TMOD3: variants seen among roughly 807,000 people sequenced by gnomAD.
TMOD3 encodes the protein tropomodulin 3, also known as tropomodulin-3.
Under a neutral mutation model 39.2 loss-of-function variants are expected in TMOD3, and 20 were observed. That is an observed-to-expected ratio of 0.51 (90% confidence interval 0.36 to 0.74). The LOEUF is 0.74. TMOD3 is among the 30% of genes least tolerant of loss of function. The pLI is 0.00. For missense variants in TMOD3, 381 were observed against 412.8 expected, an observed-to-expected ratio of 0.92 and a Z score of 0.67; for synonymous variants, 143 against 145.8, an observed-to-expected ratio of 0.98 and a Z score of 0.14.
rs1303144154 is a variant in TMOD3, at chr15:51,896,089, CAA to C, written c.628-329_628-328del. Among the ~76,000 whole-genome samples the C allele has an allele frequency of 2.0e-5, 3 of 151,958 alleles. No homozygotes were observed. In the South Asian group the frequency reaches 6.2e-4, roughly 32 times the overall value. On this transcript the variant is annotated intron_variant, in intron 6 of 9. Transcript: ENST00000308580. Reference sequence around the variant, plus strand: ...CGCCGTTGCACTCCAACCTGGGCAACAAGAGCAAAACTCTGTCTCAAAATACA... The same window carrying C: ...CGCCGTTGCACTCCAACCTGGGCAACGAGCAAAACTCTGTCTCAAAATACA...
chr15:51,893,653 T>C (rs948006717), intron 5 of TMOD3, among the ~76,000 whole-genome samples, 162 bp from the exon 6 acceptor site: 9 of 151,968 alleles, frequency 5.9e-5, no homozygotes, highest in African/African-American at 1.2e-4. Flanking sequence ...TAGTCCCAGC[T>C]ACTCAGGAGG....
rs1713177180 is a variant in TMOD3, at chr15:51,910,991, T to TA, written c.*2181_*2182insA. 1 of 128,018 alleles carries TA rather than the reference T, an allele frequency of 7.8e-6. No individual in the cohort carries two copies. The highest frequency in any genetic ancestry group is 1.8e-5 in the Non-Finnish European group (1 of 56,114). The allele number at this position is 128,018 out of a possible 1,614,324, so 7.9% of individuals were successfully genotyped here. On this transcript the variant is annotated 3_prime_UTR_variant, in exon 10 of 10. Transcript: ENST00000308580. ...CTCTCCCTCCCTCTCTTCTCCTCTC[T>TA]TTTTTTTTCCCCGCATATGCAGCTT...
intron 8 of TMOD3, 21 bp downstream of exon 8, chr15:51,900,319 A>T: frequency 6.2e-7 from 1 of 1,613,052 alleles, no homozygotes; most frequent in Non-Finnish European, 8.5e-7. Flanking sequence ...TACAATAATA[A>T]CGTCGAGGAA....
intron 1 of TMOD3, among the ~76,000 whole-genome samples, chr15:51,847,657 G>A (rs138081930): frequency 1.5e-4 from 23 of 152,252 alleles, no homozygotes; most frequent in Middle Eastern, 3.4e-3. Context: ...GGTGGCTCAC[G>A]TTTATAATTC....
chr15:51,890,360 AGAGATGGG>A (rs2056586446), intron 5 of TMOD3, among the ~76,000 whole-genome samples: 1 of 136,926 alleles, frequency 7.3e-6, no homozygotes, highest in African/African-American at 2.7e-5. Context: ...TTTTTTTAGT[AGAGATGGG>A]GTTTTGCGAT....
chr15:51,894,004 G>T, intron 6 of TMOD3, 59 bp downstream of exon 6: 1 of 1,406,932 alleles, frequency 7.1e-7, no homozygotes. Flanking sequence ...CCTAGGATGA[G>T]AGCTGGGCAG....
chr15:51,905,734 T>C (rs191789700), intron 9 of TMOD3, among the ~76,000 whole-genome samples: 28 of 152,108 alleles, frequency 1.8e-4, no homozygotes, highest in Non-Finnish European at 2.9e-4. Context: ...TGACAACTTA[T>C]ATCAGTGGAG....
At chr15:51,908,344 C>T (rs536223724) in intron 9 of TMOD3, among the ~76,000 whole-genome samples, 57 of 152,230 alleles carry the variant, frequency 3.7e-4, no homozygotes, top group African/African-American at 1.2e-3. Context: ...GATGCTGAGG[C>T]GGGCAGATCA....
chr15:51,859,619 G>T, intron 1 of TMOD3: 1 of 545,722 alleles, frequency 1.8e-6, no homozygotes. Flanking sequence ...TGTCTTCTTG[G>T]CTTTTGGCAC....
chr15:51,896,710 C>G (rs1211911768), intron 7 of TMOD3, among the ~76,000 whole-genome samples, 184 bp downstream of exon 7: 2 of 151,250 alleles, frequency 1.3e-5, no homozygotes, highest in African/African-American at 2.4e-5. Context: ...GAATTTTTTC[C>G]CCCTCCCAGC....
intron 3 of TMOD3, among the ~76,000 whole-genome samples, chr15:51,886,231 C>A (rs2056562159): frequency 6.6e-6 from 1 of 151,978 alleles, no homozygotes. Flanking sequence ...GATGGGCAGC[C>A]AGGCCGAGAC....
chr15:51,896,307 T>C (rs1357404290), intron 6 of TMOD3, 112 bp from the exon 7 acceptor site: 2 of 674,476 alleles, frequency 3.0e-6, no homozygotes, highest in African/African-American at 3.6e-5. Context: ...CTTAGGTGTT[T>C]GTATAATTTC....
At chr15:51,874,470 A>T (rs1461811460) in intron 3 of TMOD3, among the ~76,000 whole-genome samples, 1 of 152,206 alleles carries the variant, frequency 6.6e-6, no homozygotes, top group Non-Finnish European at 1.5e-5. Flanking sequence ...TATAACTGAG[A>T]CATAGGCCAG....
At chr15:51,859,761 A>G (rs2056407240) in intron 1 of TMOD3, 1 of 493,106 alleles carries the variant, frequency 2.0e-6, no homozygotes, top group Admixed American at 2.3e-5. Flanking sequence ...TTCATCTGCC[A>G]CATTGTCCCA....
chr15:51,890,896 C>T (rs1374197083), intron 5 of TMOD3, among the ~76,000 whole-genome samples: 1 of 152,148 alleles, frequency 6.6e-6, no homozygotes, highest in Non-Finnish European at 1.5e-5. Context: ...CATTTGCCAG[C>T]CTTGTTTTAT....
chr15:51,899,657 C>G (rs908566140), intron 7 of TMOD3, among the ~76,000 whole-genome samples: 5 of 151,042 alleles, frequency 3.3e-5, no homozygotes, highest in Admixed American at 1.3e-4. Context: ...CAGGGCAAGA[C>G]CCTGTCTCAA....
chr15:51,866,746 A>C (rs2056449016), intron 2 of TMOD3, among the ~76,000 whole-genome samples: 2 of 152,210 alleles, frequency 1.3e-5, no homozygotes, highest in African/African-American at 4.8e-5. Context: ...ACCTTTATTC[A>C]GTAAATATTT....
chr15:51,887,503 A>G (rs2141700104), intron 3 of TMOD3, 86 bp from the exon 4 acceptor site: 1 of 1,343,576 alleles, frequency 7.4e-7, no homozygotes, highest in Non-Finnish European at 1.0e-6. Context: ...CTTCAGGTTC[A>G]GTTGTACATG....
At chr15:51,900,703 A>G (rs2056645817) in intron 8 of TMOD3, among the ~76,000 whole-genome samples, 1 of 152,180 alleles carries the variant, frequency 6.6e-6, no homozygotes, top group Non-Finnish European at 1.5e-5. Flanking sequence ...TGAAAAAATA[A>G]CTCCATTTAT....
Sources: gnomAD v4.1 joint callset for allele counts (sites outside exome capture counted in the v4.1 genomes callset) on GRCh38, gnomAD v4.1.1 for gene constraint, MANE v1.5 for transcripts, NCBI Gene and HGNC (gene_info 2026-07-23, HGNC 2026-07-21) for gene names.